The following FBXL17 variants were observed in gnomAD, a reference collection of about 807,000 sequenced individuals.
FBXL17 encodes the protein F-box/LRR-repeat protein 17.
A neutral mutation model predicts 66.2 loss-of-function variants in FBXL17; 22 were observed. The ratio of observed to expected loss-of-function variants is 0.33; its 90% confidence interval spans 0.24 to 0.47. The LOEUF (loss-of-function observed/expected upper bound fraction) is 0.47, where lower values mean the gene tolerates loss of function less well. FBXL17 is among the 20% of genes least tolerant of loss of function. FBXL17 has a pLI of 1.00. For synonymous variants in FBXL17, 474 were observed against 400.5 expected (o/e 1.18, Z -2.19); for missense variants, 878 against 948.2 (o/e 0.93, Z 0.97).
intron 6 of FBXL17, among the ~76,000 whole-genome samples, chr5:108,101,193 C>A (rs878956801): frequency 6.6e-6 from 1 of 152,230 alleles, no homozygotes; most frequent in African/African-American, 2.4e-5. Flanking sequence ...CAGAGCTTTG[C>A]TTTCAAAGTT....
chr5:108,029,887 C>T (rs1243450763), intron 6 of FBXL17, among the ~76,000 whole-genome samples: 1 of 151,844 alleles, frequency 6.6e-6, no homozygotes, highest in South Asian at 2.1e-4. Context: ...TTGAATCTTA[C>T]GTAGCTTCTC....
chr5:107,941,324 G>A (rs1288836252), intron 7 of FBXL17, among the ~76,000 whole-genome samples: 2 of 152,142 alleles, frequency 1.3e-5, no homozygotes, highest in Non-Finnish European at 2.9e-5. Context: ...TGCATCTTGG[G>A]CAACAATAGT....
chr5:108,079,858 AGTTACTCTTTTGAAATGCACT>A (rs1229609948), intron 6 of FBXL17, among the ~76,000 whole-genome samples: 1 of 152,204 alleles, frequency 6.6e-6, no homozygotes, highest in African/African-American at 2.4e-5. Context: ...ATTTCTTAGA[AGTTACTCTTTTGAAATGCACT>A]GTGTGATTAA....
chr5:108,381,565 G>A lies in FBXL17; in HGVS notation c.127C>T (p.Pro43Ser), dbSNP rs1241296344. The part of the protein sequence containing the change: ...LPRRTPAKVP[P>S]QPAAPRSRDC... ...CGGCTCCGGGGCGCCGCCGGCTGAG[G>A]GGGCACCTTGGCTGGGGTCCGGCGG... Residue 43 changes from proline (P) to serine (S), a missense_variant, in exon 1 of 9, where the codon CCT becomes TCT. By Grantham distance (74) the Pro-to-Ser change is moderately conservative. Transcript: ENST00000542267. 1 of 1,439,504 alleles carries A rather than the reference G, an allele frequency of 6.9e-7. No homozygotes were observed. The highest frequency in any genetic ancestry group is 1.4e-5 in the South Asian group (1 of 70,974). The allele number at this position is 1,439,504 out of a possible 1,614,324, so 89.2% of individuals were successfully genotyped here. A position where few individuals can be genotyped will look rare whatever the true frequency, so the allele number is the denominator to read the frequency against.
In FBXL17 at chr5:107,871,057, C is replaced by CAAAAAAAAAAAAAAAAAAA. The variant is rs201752049; in HGVS notation, c.1966-9216_1966-9198dup. Among the ~76,000 whole-genome samples the CAAAAAAAAAAAAAAAAAAA allele has an allele frequency of 1.5e-3, 102 of 65,850 alleles. 6 individuals carry two copies. Among genetic ancestry groups the CAAAAAAAAAAAAAAAAAAA allele is most frequent in the Middle Eastern group, 0.01 (1 of 96 alleles). The allele number at this position is 65,850 out of a possible 152,430, so 43.2% of individuals were successfully genotyped here. ...GGTAAGAAATATTACTCTTGGGCGG[C>CAAAAAAAAAAAAAAAAAAA]AAAAAAAAAAAAAAAAAAAAAACCT... On this transcript the variant is annotated intron_variant, in intron 8 of 8. Transcript: ENST00000542267.
chr5:108,081,494 A>C (rs1459275188), intron 6 of FBXL17, among the ~76,000 whole-genome samples: 1 of 151,882 alleles, frequency 6.6e-6, no homozygotes, highest in African/African-American at 2.4e-5. Flanking sequence ...GGCCAAGGAG[A>C]GCGGATCACG....
intron 7 of FBXL17, among the ~76,000 whole-genome samples, chr5:107,969,311 G>C (rs1444816239): frequency 6.6e-6 from 1 of 152,072 alleles, no homozygotes; most frequent in African/African-American, 2.4e-5. Context: ...TTTATGATTA[G>C]TACACTTTAG....
intron 4 of FBXL17, among the ~76,000 whole-genome samples, chr5:108,279,802 G>A (rs1459072384): frequency 1.3e-5 from 2 of 150,860 alleles, no homozygotes; most frequent in Non-Finnish European, 3.0e-5. Flanking sequence ...TCTGGACTAA[G>A]GAATTCAATG....
At chr5:108,296,093 G>A (rs1758339002) in intron 4 of FBXL17, among the ~76,000 whole-genome samples, 1 of 151,732 alleles carries the variant, frequency 6.6e-6, no homozygotes, top group Admixed American at 6.6e-5. Context: ...AGATGAGGAA[G>A]ACTGAAATAA....
chr5:107,946,425 G>A (rs1317803731), intron 7 of FBXL17, among the ~76,000 whole-genome samples: 1 of 145,090 alleles, frequency 6.9e-6, no homozygotes, highest in Non-Finnish European at 1.5e-5. Flanking sequence ...AGAGTAACTA[G>A]GACTACAGGT....
intron 7 of FBXL17, among the ~76,000 whole-genome samples, chr5:107,922,088 C>A (rs55649379): frequency 0.015 from 2,320 of 152,246 alleles, 74 homozygotes; most frequent in African/African-American, 0.053. Flanking sequence ...GCGTATGGAA[C>A]ATTTCATTTC....
At chr5:107,896,857 T>C (rs199597642) in intron 7 of FBXL17, among the ~76,000 whole-genome samples, 1 of 3,888 alleles carries the variant, frequency 2.6e-4, no homozygotes, top group Non-Finnish European at 3.9e-4. Flanking sequence ...AAATTTGGCA[T>C]TTTTTTTGTG....
intron 4 of FBXL17, among the ~76,000 whole-genome samples, chr5:108,280,822 A>T (rs1412859869): frequency 6.6e-6 from 1 of 151,934 alleles, no homozygotes; most frequent in Non-Finnish European, 1.5e-5. Context: ...AAGGGGTAAA[A>T]AGAGATATTC....
intron 4 of FBXL17, among the ~76,000 whole-genome samples, chr5:108,275,486 C>A (rs1313275675): frequency 2.0e-5 from 3 of 152,156 alleles, no homozygotes. Flanking sequence ...AACCATGACT[C>A]CCTTCTGCCT....
At chr5:108,020,724 C>T (rs1754564191) in intron 7 of FBXL17, 1 of 451,420 alleles carries the variant, frequency 2.2e-6, no homozygotes, top group South Asian at 3.3e-5. Flanking sequence ...TTGCATGTGG[C>T]AATGAAGTAA....
At chr5:108,160,300 C>G (rs116808810) in intron 6 of FBXL17, among the ~76,000 whole-genome samples, 1 of 152,200 alleles carries the variant, frequency 6.6e-6, no homozygotes, top group African/African-American at 2.4e-5. Flanking sequence ...GGGTTACACA[C>G]TGATGAACAG....
chr5:107,963,276 T>A (rs1751987876), intron 7 of FBXL17, among the ~76,000 whole-genome samples: 1 of 152,130 alleles, frequency 6.6e-6, no homozygotes, highest in South Asian at 2.1e-4. Flanking sequence ...CCAGGTACTG[T>A]TGTTAGCACT....
At chr5:107,961,783 T>C (rs898290914) in intron 7 of FBXL17, among the ~76,000 whole-genome samples, 1 of 152,192 alleles carries the variant, frequency 6.6e-6, no homozygotes, top group African/African-American at 2.4e-5. Flanking sequence ...GCCTATCTCA[T>C]GGTTGCATGG....
chr5:108,056,963 G>A (rs531709752), intron 6 of FBXL17, among the ~76,000 whole-genome samples: 6 of 152,306 alleles, frequency 3.9e-5, no homozygotes, highest in African/African-American at 1.2e-4. Context: ...CAGCCAGGTC[G>A]TTAGAGACAT....
Sources: allele counts gnomAD v4.1 joint callset (sites outside exome capture counted in the v4.1 genomes callset), GRCh38; gene constraint gnomAD v4.1.1; transcripts MANE v1.5; gene names NCBI Gene and HGNC (gene_info 2026-07-23, HGNC 2026-07-21).